The following PDE1C variants were observed in gnomAD, a reference collection of about 807,000 sequenced individuals.
The protein encoded by PDE1C is phosphodiesterase 1C.
A neutral mutation model predicts 93.1 loss-of-function variants in PDE1C; 62 were observed. That is an observed-to-expected ratio of 0.67 (90% CI 0.54 to 0.82). The LOEUF is 0.82. Ranked by LOEUF, PDE1C falls within the 40% of genes least tolerant of loss-of-function variation. PDE1C has a pLI of 0.00. For missense variants in PDE1C, 742 were observed against 884.6 expected, an observed-to-expected ratio of 0.84 and a Z score of 2.04; for synonymous variants, 325 against 310.1, an observed-to-expected ratio of 1.05 and a Z score of -0.50.
intron 2 of PDE1C, among the ~76,000 whole-genome samples, chr7:32,036,171 C>A (rs951229078): frequency 6.6e-6 from 1 of 152,114 alleles, no homozygotes; most frequent in African/African-American, 2.4e-5. Context: ...TGTCTGAGAA[C>A]CACATACGCA....
At chr7:32,099,633 C>A (rs938014299) in intron 3 of PDE1C, among the ~76,000 whole-genome samples, 1 of 152,196 alleles carries the variant, frequency 6.6e-6, no homozygotes, top group South Asian at 2.1e-4. Context: ...CAAATCAAGT[C>A]GGAACTCCTT....
At chr7:31,963,286 C>A (rs1377939054) in intron 2 of PDE1C, among the ~76,000 whole-genome samples, 2 of 151,962 alleles carry the variant, frequency 1.3e-5, no homozygotes, top group Non-Finnish European at 2.9e-5. Flanking sequence ...TGTTTAACAC[C>A]AAACGTTATG....
At chr7:32,422,384 T>G (rs979348337) in intron 1 of PDE1C, among the ~76,000 whole-genome samples, 4 of 152,190 alleles carry the variant, frequency 2.6e-5, no homozygotes, top group African/African-American at 9.7e-5. Flanking sequence ...GTTTGTTACC[T>G]GGATATATTG....
At chr7:31,720,120 G>A in the PDE1C span, among the ~76,000 whole-genome samples, 2 of 128,118 alleles carry the variant, frequency 1.6e-5, no homozygotes, top group African/African-American at 3.0e-5. Flanking sequence ...CCGAGATTGC[G>A]CCACTGCAGT....
rs76549011 is a variant in PDE1C, at chr7:32,397,057, A to C, written c.310+30765T>G. On this transcript the variant is annotated intron_variant, in intron 1 of 1. Coordinates refer to the PDE1C transcript ENST00000672256. ...AAAACATGGGTGAATTTCTCTACAAACTCCAGGTAGGGAAAAGCTTCCTAA... is the reference window on the plus strand; with the variant it reads ...AAAACATGGGTGAATTTCTCTACAACCTCCAGGTAGGGAAAAGCTTCCTAA... Among the ~76,000 whole-genome samples, 936 of 152,242 alleles carry C rather than the reference A, an allele frequency of 6.1e-3. 11 individuals carry two copies. The highest frequency in any genetic ancestry group is 0.021 in the African/African-American group (878 of 41,540).
At chr7:32,386,920 C>A (rs1784638631) in intron 1 of PDE1C, among the ~76,000 whole-genome samples, 1 of 150,306 alleles carries the variant, frequency 6.7e-6, no homozygotes, top group African/African-American at 2.5e-5. Flanking sequence ...GTGTTTCTCG[C>A]AGAGGGGGAT....
chr7:31,867,850 T>A (rs1420154514), intron 6 of PDE1C, among the ~76,000 whole-genome samples: 1 of 152,180 alleles, frequency 6.6e-6, no homozygotes, highest in African/African-American at 2.4e-5. Flanking sequence ...CAGGCCCAAC[T>A]GGCATCCCAT....
chr7:32,253,160 C>T (rs894283540), intron 1 of PDE1C, among the ~76,000 whole-genome samples: 28 of 152,272 alleles, frequency 1.8e-4, no homozygotes, highest in African/African-American at 6.5e-4. Context: ...ATTTAATACT[C>T]GTGACAACCT....
chr7:31,972,975 T>A (rs1394451948), intron 2 of PDE1C, among the ~76,000 whole-genome samples: 1 of 152,042 alleles, frequency 6.6e-6, no homozygotes, highest in Admixed American at 6.6e-5. Flanking sequence ...GACAACCCCA[T>A]CAGCACTGGG....
At chr7:32,271,356 T>C (rs1394184195) in intron 1 of PDE1C, among the ~76,000 whole-genome samples, 1 of 152,170 alleles carries the variant, frequency 6.6e-6, no homozygotes, top group African/African-American at 2.4e-5. Context: ...ATTATTTCCT[T>C]TAGATAATTT....
At chr7:32,222,254 C>G (rs1806923355) in intron 1 of PDE1C, among the ~76,000 whole-genome samples, 1 of 152,216 alleles carries the variant, frequency 6.6e-6, no homozygotes, top group African/African-American at 2.4e-5. Context: ...TGGCTTCAGG[C>G]TGAACAGATC....
At chr7:31,841,209 GTCTC>G (rs377551907) in intron 9 of PDE1C, among the ~76,000 whole-genome samples, 1 of 140,176 alleles carries the variant, frequency 7.1e-6, no homozygotes, top group African/African-American at 2.7e-5. Flanking sequence ...CCCTCTCTCT[GTCTC>G]TCTCTCTCTC....
intron 2 of PDE1C, among the ~76,000 whole-genome samples, chr7:32,041,039 A>G (rs2128660374): frequency 6.6e-6 from 1 of 152,220 alleles, no homozygotes; most frequent in African/African-American, 2.4e-5. Context: ...TCAAAGTGTA[A>G]GCCTTCTGCA....
At chr7:31,757,674 T>C (rs1199489840) in intron 17 of PDE1C, among the ~76,000 whole-genome samples, 1 of 152,154 alleles carries the variant, frequency 6.6e-6, no homozygotes, top group Admixed American at 6.5e-5. Flanking sequence ...TATGGAGAAA[T>C]ATGAACAATT....
chr7:31,725,416 A>C, the PDE1C span, among the ~76,000 whole-genome samples: 1 of 152,160 alleles, frequency 6.6e-6, no homozygotes. Context: ...TGGCATGAAA[A>C]ACTTGTGGCA....
Position 31,824,855 on chromosome 7 carries a change from T to G in PDE1C, c.1406+12A>C. 2 of 1,612,190 alleles carry G rather than the reference T, an allele frequency of 1.2e-6. No individual in the cohort carries two copies. The highest frequency in any genetic ancestry group is 1.7e-6 in the Non-Finnish European group (2 of 1,178,698). ...CCAACCTCACCCTCAGCCCTCAAGC[T>G]TCCCCACTGACCTCGAACGCCTCTG... On this transcript the variant is annotated intron_variant, in intron 13 of 17. Transcript: ENST00000396191.
At chr7:31,704,154 C>T in the PDE1C span, among the ~76,000 whole-genome samples, 2 of 152,114 alleles carry the variant, frequency 1.3e-5, no homozygotes, top group African/African-American at 2.4e-5. Flanking sequence ...TTTGGGACAT[C>T]GAAGATCAAA....
chr7:32,131,209 G>A (rs1010904586), intron 3 of PDE1C, among the ~76,000 whole-genome samples: 3 of 152,120 alleles, frequency 2.0e-5, no homozygotes, highest in African/African-American at 7.2e-5. Flanking sequence ...CTCTTGGAGT[G>A]AGAGCCCCTG....
chr7:31,830,998 C>A (rs1790313478), intron 11 of PDE1C, among the ~76,000 whole-genome samples: 1 of 152,122 alleles, frequency 6.6e-6, no homozygotes, highest in Non-Finnish European at 1.5e-5. Context: ...TCAAAAGAGA[C>A]AAGGGCTCCA....
Sources: allele counts gnomAD v4.1 joint callset (sites outside exome capture counted in the v4.1 genomes callset), GRCh38; gene constraint gnomAD v4.1.1; transcripts MANE v1.5; gene names NCBI Gene and HGNC (gene_info 2026-07-23, HGNC 2026-07-21).